SRGAP3: variants seen among roughly 807,000 people sequenced by gnomAD.
SRGAP3 encodes the protein SLIT-ROBO Rho GTPase-activating protein 3.
In SRGAP3, 39 loss-of-function variants were observed where a neutral mutation model predicts 121.1. The ratio of observed to expected loss-of-function variants is 0.32; its 90% confidence interval spans 0.25 to 0.42. The LOEUF (loss-of-function observed/expected upper bound fraction) is 0.42. SRGAP3 is among the 10% of genes least tolerant of loss of function. The probability of loss-of-function intolerance (pLI) is 1.00; values close to 1 mark genes in which losing one functional copy is unlikely to be tolerated. For synonymous variants in SRGAP3, 601 were observed against 570.0 expected (o/e 1.05, Z -0.77); for missense variants, 1,213 against 1,470.6 (o/e 0.82, Z 2.86).
intron 10 of SRGAP3, among the ~76,000 whole-genome samples, chr3:9,042,674 T>C (rs1031894605): frequency 6.6e-6 from 1 of 152,212 alleles, no homozygotes; most frequent in Non-Finnish European, 1.5e-5. Flanking sequence ...TTTGACTGTG[T>C]GTCTGGAGTC....
intron 1 of SRGAP3, among the ~76,000 whole-genome samples, chr3:9,189,929 T>C (rs751076345): frequency 6.6e-6 from 1 of 152,238 alleles, no homozygotes. Flanking sequence ...CATAATACTA[T>C]AACCATTTCT....
chr3:9,072,154 G>A (rs1256010399), intron 4 of SRGAP3, among the ~76,000 whole-genome samples: 1 of 152,166 alleles, frequency 6.6e-6, no homozygotes, highest in Non-Finnish European at 1.5e-5. Flanking sequence ...TGACTCAGGA[G>A]CAGTGCTGAC....
chr3:9,341,902 A>G (rs1955793955), intron 1 of SRGAP3, among the ~76,000 whole-genome samples: 2 of 152,192 alleles, frequency 1.3e-5, no homozygotes, highest in Admixed American at 1.3e-4. Flanking sequence ...GCCAAGAGAC[A>G]TTTGTGCTAC....
At chr3:9,140,967 T>C (rs181970339) in intron 1 of SRGAP3, among the ~76,000 whole-genome samples, 33 of 152,300 alleles carry the variant, frequency 2.2e-4, no homozygotes, top group Admixed American at 7.8e-4. Context: ...ATAGGAAGGT[T>C]GCAAAAATGT....
intron 3 of SRGAP3, among the ~76,000 whole-genome samples, chr3:9,289,468 G>T (rs1344923371): frequency 6.6e-6 from 1 of 152,136 alleles, no homozygotes; most frequent in African/African-American, 2.4e-5. Context: ...ATATGCATTT[G>T]TTTCTGCTAG....
intron 3 of SRGAP3, among the ~76,000 whole-genome samples, chr3:9,318,251 G>A (rs892351732): frequency 7.4e-5 from 11 of 149,464 alleles, no homozygotes; most frequent in African/African-American, 1.9e-4. Flanking sequence ...CATCACCACC[G>A]ACATGTCCCT....
intron 10 of SRGAP3, among the ~76,000 whole-genome samples, chr3:9,046,501 A>G (rs779791550): frequency 6.6e-6 from 1 of 152,242 alleles, no homozygotes; most frequent in African/African-American, 2.4e-5. Context: ...GCAGAAGCTA[A>G]GTGGTATAAG....
At chr3:9,124,677 AC>A in intron 2 of SRGAP3, 47 bp downstream of exon 2, 1 of 1,611,148 alleles carries the variant, frequency 6.2e-7, no homozygotes. Flanking sequence ...CTGTCCGCCC[AC>A]CCCAGTGCTG....
intron 2 of SRGAP3, among the ~76,000 whole-genome samples, chr3:9,123,642 T>C (rs1280956478): frequency 6.6e-6 from 1 of 151,382 alleles, no homozygotes; most frequent in Non-Finnish European, 1.5e-5. Flanking sequence ...GAGTTGGAGA[T>C]TGCAGTGAGC....
chr3:9,243,765 G>T (rs1215286651), intron 1 of SRGAP3, among the ~76,000 whole-genome samples: 2 of 152,160 alleles, frequency 1.3e-5, no homozygotes. Flanking sequence ...CCTCACCAAG[G>T]CTTCGTGCGG....
chr3:9,268,200 T>C (rs538559126), intron 3 of SRGAP3, among the ~76,000 whole-genome samples: 8 of 152,014 alleles, frequency 5.3e-5, no homozygotes, highest in South Asian at 2.1e-4. Flanking sequence ...TATTTGGAGA[T>C]AGGGCCTCTG....
chr3:9,240,058 G>C (rs1346712064), intron 1 of SRGAP3, among the ~76,000 whole-genome samples: 1 of 152,124 alleles, frequency 6.6e-6, no homozygotes, highest in East Asian at 1.9e-4. Context: ...AAGTCCTGGG[G>C]GAAGCAGGCC....
chr3:9,207,440 G>T (rs771946487), intron 1 of SRGAP3, among the ~76,000 whole-genome samples: 2 of 152,194 alleles, frequency 1.3e-5, no homozygotes, highest in Non-Finnish European at 2.9e-5. Flanking sequence ...GCAAAATCAA[G>T]CAAGTAATCC....
In SRGAP3 at chr3:9,013,730, C is replaced by A. The variant is rs747069350; in HGVS notation, c.1919+7G>T. 1.2e-6 allele frequency: 2 copies of A among 1,614,136 alleles called. No individual in the cohort carries two copies. The highest frequency in any genetic ancestry group is 2.2e-5 in the South Asian group (2 of 91,082). Reference sequence around the variant, plus strand: ...GTCAAAAAGGGGCCCCTTGGCCAGACACTCACTGGTTGAGGAAAGCGAAGA... The same window carrying A: ...GTCAAAAAGGGGCCCCTTGGCCAGAAACTCACTGGTTGAGGAAAGCGAAGA... On this transcript the variant is annotated splice_region_variant and intron_variant, in intron 16 of 21. Coordinates refer to ENST00000383836, the MANE Select transcript of SRGAP3 (RefSeq NM_014850.4).
chr3:9,287,212 G>A (rs889096474), intron 3 of SRGAP3, among the ~76,000 whole-genome samples: 1 of 151,710 alleles, frequency 6.6e-6, no homozygotes, highest in African/African-American at 2.4e-5. Context: ...GGCTGGTCTT[G>A]AACACCTTGG....
chr3:9,321,781 A>G (rs1414191965), intron 3 of SRGAP3, among the ~76,000 whole-genome samples: 1 of 151,686 alleles, frequency 6.6e-6, no homozygotes, highest in Non-Finnish European at 1.5e-5. Flanking sequence ...ACATGGACAC[A>G]TAGAGGGGAA....
At chr3:9,217,053 A>G (rs1402048211) in intron 1 of SRGAP3, 2 of 152,172 alleles carry the variant, frequency 1.3e-5, no homozygotes, top group Admixed American at 6.5e-5. Flanking sequence ...TTCCAGTCCT[A>G]CAAGATGAAA....
At position 8,990,888 on chromosome 3, in the gene SRGAP3, G is replaced by T. The variant is rs763516032; in HGVS notation, c.2559-49C>A. 6.6e-5 allele frequency: 95 copies of T among 1,443,824 alleles called. No homozygotes were observed. In the Admixed American group the frequency reaches 2.0e-3, roughly 30 times the overall value. 89.4% of individuals were successfully genotyped at this position (1,443,824 alleles called of 1,614,324 possible). A position where few individuals can be genotyped will look rare whatever the true frequency, so the allele number is the denominator to read the frequency against. On this transcript the variant is annotated intron_variant, in intron 20 of 21. Transcript: ENST00000383836. ...GGGCATGGGGCAGAGGTCAAGCCTG[G>T]CAAGTCTCAGAATGGGTGAGTCAAC...
intron 1 of SRGAP3, among the ~76,000 whole-genome samples, chr3:9,240,790 G>A (rs1481988723): frequency 6.6e-6 from 1 of 152,204 alleles, no homozygotes; most frequent in African/African-American, 2.4e-5. Context: ...TGGGCTGGCT[G>A]GTGAGAGGTA....
Sources: allele counts gnomAD v4.1 joint callset (sites outside exome capture counted in the v4.1 genomes callset), GRCh38; gene constraint gnomAD v4.1.1; transcripts MANE v1.5; gene names NCBI Gene and HGNC (gene_info 2026-07-23, HGNC 2026-07-21).